The following PCDHGB5 variants were observed in gnomAD, a reference collection of about 807,000 sequenced individuals.
PCDHGB5 encodes the protein protocadherin gamma-B5.
A neutral mutation model predicts 62.9 loss-of-function variants in PCDHGB5; 48 were observed. The ratio of observed to expected loss-of-function variants is 0.76; its 90% CI spans 0.61 to 0.97. The LOEUF (loss-of-function observed/expected upper bound fraction) is 0.97. PCDHGB5 is among the 50% of genes least tolerant of loss of function. The probability of loss-of-function intolerance (pLI) is 0.00; values close to 1 mark genes in which losing one functional copy is unlikely to be tolerated. For synonymous variants in PCDHGB5, 474 were observed against 511.2 expected (o/e 0.93, Z 0.98); for missense variants, 1,118 against 1,198.6 (o/e 0.93, Z 0.99).
intron 1 of PCDHGB5, chr5:141,409,124 G>T: frequency 6.2e-7 from 1 of 1,613,940 alleles, no homozygotes. Context: ...CCAGTCATTT[G>T]ATTTTGAAGA....
chr5:141,477,678 C>A lies in PCDHGB5; in HGVS notation c.2398-17129C>A, dbSNP rs967769574. 1 of 1,614,182 alleles carries A rather than the reference C, an allele frequency of 6.2e-7. No individual in the cohort carries two copies. The highest frequency in any genetic ancestry group is 1.3e-5 in the African/African-American group (1 of 75,054). ...AATCGTGACAATGGCATAGTGTCAT[C>A]CTTAGTGCCCCTAGACTATGAGGAT... is the stretch of plus-strand genomic sequence containing the variant. On this transcript the variant is annotated intron_variant, in intron 1 of 3. Transcript: ENST00000617380. The surrounding 1 kb of genome is among the most constrained non-coding windows in gnomAD (Gnocchi z 4.9).
At chr5:141,504,502 G>A (rs2099838821) in intron 2 of PCDHGB5, among the ~76,000 whole-genome samples, 1 of 152,128 alleles carries the variant, frequency 6.6e-6, no homozygotes, top group Non-Finnish European at 1.5e-5. Context: ...CCCAGTCTGA[G>A]TGGATCTCCT....
intron 3 of PCDHGB5, among the ~76,000 whole-genome samples, 188 bp from the exon 4 acceptor site, chr5:141,510,759 G>A (rs1026623444): frequency 6.6e-5 from 10 of 152,172 alleles, no homozygotes; most frequent in African/African-American, 2.4e-4. Context: ...TCTCACTCCA[G>A]AGCCTCTTAA....
intron 1 of PCDHGB5, among the ~76,000 whole-genome samples, chr5:141,460,764 G>A (rs2098996981): frequency 6.6e-6 from 1 of 150,516 alleles, no homozygotes; most frequent in Admixed American, 6.7e-5. Flanking sequence ...TATACATATT[G>A]CATATGTATG....
intron 2 of PCDHGB5, among the ~76,000 whole-genome samples, chr5:141,499,384 A>G (rs2099791576): frequency 6.6e-6 from 1 of 152,200 alleles, no homozygotes. Context: ...TTTTCCACTT[A>G]TAAAATAGTA....
rs751276470 is a variant in PCDHGB5, at chr5:141,431,560, C to A, written c.2397+31036C>A. 6.2e-7 allele frequency: 1 copy of A among 1,614,104 alleles called. No individual in the cohort carries two copies. On this transcript the variant is annotated intron_variant, in intron 1 of 3. Coordinates refer to ENST00000617380, the MANE Select transcript of PCDHGB5 (RefSeq NM_018925.3). This position sits in a 1 kb window ranked among gnomAD's most constrained non-coding sequence, Gnocchi z 4.8. ...CGCAGCTGCTTGTAGTCAACGCTAC[C>A]GACCCTGACGAAGGAGTCAATGCGG...
chr5:141,497,840 C>T (rs1326804289), intron 2 of PCDHGB5, among the ~76,000 whole-genome samples: 1 of 152,154 alleles, frequency 6.6e-6, no homozygotes, highest in Non-Finnish European at 1.5e-5. Context: ...CCGGCCACAA[C>T]AAACATTTTT....
At chr5:141,409,181 C>T (rs1280456560) in intron 1 of PCDHGB5, 2 of 1,613,992 alleles carry the variant, frequency 1.2e-6, no homozygotes, top group Non-Finnish European at 1.7e-6. Flanking sequence ...CGGAGGTGGT[C>T]TCTCTACCCA....
intron 1 of PCDHGB5, among the ~76,000 whole-genome samples, chr5:141,460,951 G>GTATATA (rs200454978): frequency 7.2e-6 from 1 of 139,722 alleles, no homozygotes; most frequent in African/African-American, 2.8e-5. Flanking sequence ...TATGTATTAT[G>GTATATA]TATATATATA....
In PCDHGB5 at chr5:141,487,678, C is replaced by T. The variant is rs1416406108; in HGVS notation, c.2398-7129C>T. ...ATTCTGATCCAGGCATATGGCTAGG[C>T]CATGTCCTAGAGAGTACTGGCCTCT... On this transcript the variant is annotated intron_variant, in intron 1 of 3. Transcript: ENST00000617380. The surrounding 1 kb of genome is among the most constrained non-coding windows in gnomAD (Gnocchi z 5.0). 6.2e-7 allele frequency: 1 copy of T among 1,609,696 alleles called. No individual in the cohort carries two copies. Among genetic ancestry groups the T allele is most frequent in the South Asian group, 1.1e-5 (1 of 90,230 alleles).
chr5:141,445,537 G>A (rs1266179512), intron 1 of PCDHGB5, among the ~76,000 whole-genome samples: 1 of 152,182 alleles, frequency 6.6e-6, no homozygotes, highest in African/African-American at 2.4e-5. Flanking sequence ...AAGCCAACAA[G>A]GAGAAATACA....
At chr5:141,483,224 G>A (rs530779494) in intron 1 of PCDHGB5, among the ~76,000 whole-genome samples, 17 of 152,242 alleles carry the variant, frequency 1.1e-4, no homozygotes, top group Middle Eastern at 3.4e-3. Flanking sequence ...AGTCACTGCA[G>A]AAATTTGAAC....
chr5:141,501,419 C>A (rs910783867), intron 2 of PCDHGB5, among the ~76,000 whole-genome samples: 1 of 151,920 alleles, frequency 6.6e-6, no homozygotes, highest in Non-Finnish European at 1.5e-5. Flanking sequence ...AAATAGTTGA[C>A]TAAATGTAGT....
rs201372696 is a variant in PCDHGB5, at chr5:141,400,469, C to T, written c.2342C>T (p.Ser781Phe). The change falls in exon 1 of 4, where the codon TCT becomes TTT. Residue 781 changes from serine to phenylalanine, a missense_variant. By Grantham distance (155) the Ser-to-Phe change is radical. Coordinates refer to ENST00000617380, the MANE Select transcript of PCDHGB5 (RefSeq NM_018925.3). ...CAAGACATACTTTGTGGTGATTCATCTGGGGCCTTATTTCCACTTTGTAAT... is the reference window on the plus strand; with the variant it reads ...CAAGACATACTTTGTGGTGATTCATTTGGGGCCTTATTTCCACTTTGTAAT... ...SGQDILCGDS[S>F]GALFPLCNSS... 15 of 1,613,944 alleles carry T rather than the reference C, an allele frequency of 9.3e-6. No individual in the cohort carries two copies. The African/African-American group carries it at 1.9e-4, about 20-fold the overall frequency.
Position 141,432,465 on chromosome 5 carries a change from C to T in PCDHGB5, c.2397+31941C>T. 3 of 1,614,222 alleles carry T rather than the reference C, an allele frequency of 1.9e-6. No individual in the cohort carries two copies. The highest frequency in any genetic ancestry group is 2.5e-6 in the Non-Finnish European group (3 of 1,180,050). On this transcript the variant is annotated intron_variant, in intron 1 of 3. Transcript: ENST00000617380. This position sits in a 1 kb window ranked among gnomAD's most constrained non-coding sequence, Gnocchi z 6.0. The stretch of plus-strand genomic sequence containing the variant: ...GAGATCCTGTACCCCGCCCTCCCCA[C>T]GGACGGTTCCACTGGCGTGGAGCTG...
At position 141,494,925 on chromosome 5, in the gene PCDHGB5, G is replaced by A. The variant is rs936071950; in HGVS notation, c.2456+60G>A. On this transcript the variant is annotated intron_variant, in intron 2 of 3. Coordinates refer to ENST00000617380, the MANE Select transcript of PCDHGB5 (RefSeq NM_018925.3). ...TGCGGCATTTTCTCAGGGATGACGT[G>A]GGAGGAGATGGGGGAGGGCCCAGCA... is the stretch of plus-strand genomic sequence containing the variant. The A allele has an allele frequency of 3.3e-4, 525 of 1,613,316 alleles. 2 individuals carry two copies. Among genetic ancestry groups the A allele is most frequent in the Admixed American group, 4.7e-4 (28 of 59,956 alleles).
intron 1 of PCDHGB5, chr5:141,424,091 G>A: frequency 1.1e-6 from 1 of 879,778 alleles, no homozygotes; most frequent in Non-Finnish European, 1.4e-6. Context: ...ACCATTATTT[G>A]CTATTACTGC....
intron 1 of PCDHGB5, chr5:141,420,083 A>C (rs2096465782): frequency 2.5e-6 from 4 of 1,614,020 alleles, no homozygotes; most frequent in Non-Finnish European, 3.4e-6. Context: ...GGGTCCCCCC[A>C]ACTACAGTGA....
At chr5:141,402,025 AAC>A (rs1265000731) in intron 1 of PCDHGB5, among the ~76,000 whole-genome samples, 9 of 152,192 alleles carry the variant, frequency 5.9e-5, no homozygotes, top group African/African-American at 1.7e-4. Flanking sequence ...GAATCATTGA[AAC>A]ACAGTCTGTG....
Sources: allele counts gnomAD v4.1 joint callset (sites outside exome capture counted in the v4.1 genomes callset), GRCh38; gene constraint gnomAD v4.1.1; non-coding constraint Gnocchi (gnomAD v3.1); transcripts MANE v1.5; gene names NCBI Gene and HGNC (gene_info 2026-07-23, HGNC 2026-07-21).